Variants in DAPK1 observed in about 807,000 individuals in gnomAD.
DAPK1 encodes death associated protein kinase 1.
DAPK1 carries 56 observed loss-of-function variants against 144.9 expected under a neutral mutation model. The ratio of observed to expected loss-of-function variants is 0.39; its 90% CI spans 0.31 to 0.48. The LOEUF (loss-of-function observed/expected upper bound fraction) is 0.48, where lower values mean the gene tolerates loss of function less well. DAPK1 is among the 20% of genes least tolerant of loss of function. The probability of loss-of-function intolerance (pLI) is 0.95; values close to 1 mark genes in which losing one functional copy is unlikely to be tolerated. For synonymous variants in DAPK1, 690 were observed against 749.0 expected (o/e 0.92, Z 1.29); for missense variants, 1,454 against 1,875.4 (o/e 0.78, Z 4.15).
At chr9:87,586,992 G>A (rs1827959405) in intron 2 of DAPK1, among the ~76,000 whole-genome samples, 2 of 152,232 alleles carry the variant, frequency 1.3e-5, no homozygotes, top group Admixed American at 1.3e-4. Flanking sequence ...TTTGCTGAGA[G>A]GAGAAGATGT....
chr9:87,596,622 C>CCT (rs892685846), intron 2 of DAPK1, among the ~76,000 whole-genome samples: 3 of 152,158 alleles, frequency 2.0e-5, no homozygotes, highest in African/African-American at 7.2e-5. Context: ...TGGGACAGGG[C>CCT]CTGCATTCAG....
intron 20 of DAPK1, among the ~76,000 whole-genome samples, chr9:87,684,873 A>T (rs1013298732): frequency 6.6e-6 from 1 of 152,156 alleles, no homozygotes; most frequent in Admixed American, 6.5e-5. Context: ...GCCTGTCCTA[A>T]CCTTTTATCC....
rs1828668606 is a variant in DAPK1 at position 87,605,167 on chromosome 9, C to T, written c.276C>T (p.Ile92=). The part of the protein sequence containing the change: ...VYENKTDVIL[I]LELVAGGELF... ...AGAACAAGACGGACGTCATCCTGATCTTGGAACTGTGAGTGCCGCCTGGGC... is the reference window on the plus strand; with the variant it reads ...AGAACAAGACGGACGTCATCCTGATTTTGGAACTGTGAGTGCCGCCTGGGC... The change falls in exon 3 of 26, where the codon ATC becomes ATT. Residue 92 remains isoleucine, a synonymous_variant. Coordinates refer to ENST00000408954, the MANE Select transcript of DAPK1 (RefSeq NM_004938.4). 6.2e-7 allele frequency: 1 copy of T among 1,612,328 alleles called. No homozygotes were observed. Among genetic ancestry groups the T allele is most frequent in the African/African-American group, 1.3e-5 (1 of 74,902 alleles).
rs759875120 is a variant in DAPK1 at position 87,697,190 on chromosome 9, T to C, written c.2597T>C (p.Val866Ala). 9.7e-6 allele frequency: 15 copies of C among 1,542,882 alleles called. No homozygotes were observed. Among genetic ancestry groups the C allele is most frequent in the African/African-American group, 5.4e-5 (4 of 73,548 alleles). Residue 866 changes from valine (V) to alanine (A), a missense_variant, in exon 22 of 26, where the codon GTT (valine) becomes GCT (alanine). Val to Ala is a moderately conservative substitution (Grantham distance 64). Around this residue, in one of 2 missense-constraint regions of DAPK1, gnomAD observed 1,025 missense variants for 1,237.9 expected, o/e 0.83. Transcript: ENST00000408954. ...AGTTTCCTGAAGTCCCTTGTCCCAG[T>C]TGAAGAACCCATAGGTGAGCTAAGT... ...WLSFLKSLVP[V>A]EEPIAFGGKL...
At chr9:87,675,402 A>G (rs1178502170) in intron 19 of DAPK1, among the ~76,000 whole-genome samples, 1 of 152,090 alleles carries the variant, frequency 6.6e-6, no homozygotes, top group Non-Finnish European at 1.5e-5. Context: ...TAGGGAGTGC[A>G]AGGGGCCGGG....
chr9:87,503,475 C>G (rs1432014444), intron 2 of DAPK1, among the ~76,000 whole-genome samples: 1 of 152,174 alleles, frequency 6.6e-6, no homozygotes, highest in East Asian at 1.9e-4. Flanking sequence ...TTTTCTCCAT[C>G]ACAGCATTTA....
chr9:87,701,720 A>ATTT lies in DAPK1; in HGVS notation c.2872-1293_2872-1291dup, dbSNP rs59185381. 122 of 245,142 alleles carry ATTT rather than the reference A, an allele frequency of 5.0e-4. 1 individual carries two copies. The highest frequency in any genetic ancestry group is 2.8e-3 in the African/African-American group (111 of 40,182). 15.2% of individuals were successfully genotyped at this position (245,142 alleles called of 1,614,324 possible). A position where few individuals can be genotyped will look rare whatever the true frequency, so the allele number is the denominator to read the frequency against. On this transcript the variant is annotated intron_variant, in intron 24 of 25. Transcript: ENST00000408954. ...TACCTTTGAAGCTGCCTCTGGGTGT[A>ATTT]TTTTTTTTTTTTTTTTTTAACTGCT...
chr9:87,575,325 A>T (rs1827517265), intron 2 of DAPK1, among the ~76,000 whole-genome samples: 1 of 152,204 alleles, frequency 6.6e-6, no homozygotes, highest in Non-Finnish European at 1.5e-5. Flanking sequence ...TGCTGGCCTC[A>T]GCTTGCTGGG....
intron 11 of DAPK1, 148 bp from the exon 12 acceptor site, chr9:87,645,745 TCC>T (rs1830243516): frequency 2.2e-6 from 2 of 914,438 alleles, no homozygotes. Flanking sequence ...CCTTCCTAGG[TCC>T]CTCCATGACT....
At position 87,548,740 on chromosome 9, in the gene DAPK1, G is replaced by A. The variant is rs558627225; in HGVS notation, c.62+49601G>A. On this transcript the variant is annotated intron_variant, in intron 2 of 25. Transcript: ENST00000408954. ...AGTACTGATGTTGCTCCTGGTGAGC[G>A]TGCACTGAAGATTTGCGCTGCACTG... Among the ~76,000 whole-genome samples, 3 of 152,170 alleles carry A rather than the reference G, an allele frequency of 2.0e-5. No homozygotes were observed. In the East Asian group the frequency reaches 5.8e-4, roughly 30 times the overall value.
chr9:87,689,659 T>G (rs901522702), intron 21 of DAPK1, among the ~76,000 whole-genome samples: 3 of 152,198 alleles, frequency 2.0e-5, no homozygotes, highest in Admixed American at 2.0e-4. Context: ...AAGTCTTTAA[T>G]CCATCTTGAG....
At chr9:87,570,033 T>C (rs192692308) in intron 2 of DAPK1, among the ~76,000 whole-genome samples, 2 of 152,336 alleles carry the variant, frequency 1.3e-5, no homozygotes, top group Admixed American at 6.5e-5. Flanking sequence ...ACAAAAGCAA[T>C]GTGTGTTTTT....
chr9:87,592,329 C>G (rs1322101133), intron 2 of DAPK1, among the ~76,000 whole-genome samples: 2 of 152,186 alleles, frequency 1.3e-5, no homozygotes, highest in Non-Finnish European at 2.9e-5. Context: ...GTGGACTTCC[C>G]ATTTCACCCC....
chr9:87,686,927 C>CTTAA lies in DAPK1; in HGVS notation c.2413+188_2413+189insTTAA. The CTTAA allele has an allele frequency of 1.1e-6, 1 of 894,148 alleles. No individual in the cohort carries two copies. The highest frequency in any genetic ancestry group is 1.8e-5 in the African/African-American group (1 of 55,476). The allele number at this position is 894,148 out of a possible 1,614,324, so 55.4% of individuals were successfully genotyped here. A position where few individuals can be genotyped will look rare whatever the true frequency, so the allele number is the denominator to read the frequency against. ...ACCATCCCTAAACAGTGAAATTAAA[C>CTTAA]ACTGGGGTATTGTCAGCGCCTAGTA... On this transcript the variant is annotated intron_variant, in intron 21 of 25. Coordinates refer to ENST00000408954, the MANE Select transcript of DAPK1 (RefSeq NM_004938.4). This position sits in a 1 kb window ranked among gnomAD's most constrained non-coding sequence, Gnocchi z 4.2.
chr9:87,543,728 T>C (rs1826135659), intron 2 of DAPK1, among the ~76,000 whole-genome samples: 1 of 152,232 alleles, frequency 6.6e-6, no homozygotes, highest in Non-Finnish European at 1.5e-5. Context: ...ATCTTTGCTA[T>C]GTTTGAGTGA....
At chr9:87,617,222 A>AT (rs1400012567) in intron 3 of DAPK1, among the ~76,000 whole-genome samples, 2 of 152,134 alleles carry the variant, frequency 1.3e-5, no homozygotes, top group East Asian at 1.9e-4. Flanking sequence ...AAGGGAGTAC[A>AT]TTTTTTTGGA....
intron 2 of DAPK1, chr9:87,525,379 C>T (rs1825464304): frequency 1.2e-6 from 2 of 1,611,374 alleles, no homozygotes; most frequent in Non-Finnish European, 1.7e-6. Context: ...TGTGTTCAAA[C>T]AACCGGCACG....
At position 87,707,507 on chromosome 9, in the gene DAPK1, C is replaced by G. The variant is rs1825685248; in HGVS notation, c.*143C>G. On this transcript the variant is annotated 3_prime_UTR_variant, in exon 26 of 26. Coordinates refer to ENST00000408954, the MANE Select transcript of DAPK1 (RefSeq NM_004938.4). This position sits in a 1 kb window ranked among gnomAD's most constrained non-coding sequence, Gnocchi z 4.0. ...ATGCCACTCCTCCCTCCGGCTTGAC[C>G]TGTTTCTCTGCCGCTACCTCCCTCC... 2 of 616,904 alleles carry G rather than the reference C, an allele frequency of 3.2e-6. No individual in the cohort carries two copies. Among genetic ancestry groups the G allele is most frequent in the Non-Finnish European group, 2.8e-6 (1 of 351,584 alleles). The allele number at this position is 616,904 out of a possible 1,614,324, so 38.2% of individuals were successfully genotyped here.
At chr9:87,655,970 CT>C (rs1830615209) in intron 17 of DAPK1, among the ~76,000 whole-genome samples, 1 of 152,240 alleles carries the variant, frequency 6.6e-6, no homozygotes, top group Non-Finnish European at 1.5e-5. Flanking sequence ...AGGTGAATGG[CT>C]TTGCCCTCAG....
Sources: allele counts gnomAD v4.1 joint callset (sites outside exome capture counted in the v4.1 genomes callset), GRCh38; gene constraint gnomAD v4.1.1; regional missense constraint gnomAD v4.1.1; non-coding constraint Gnocchi (gnomAD v3.1); transcripts MANE v1.5; gene names NCBI Gene and HGNC (gene_info 2026-07-23, HGNC 2026-07-21).